The following DLGAP2 variants were observed in gnomAD, a reference collection of about 807,000 sequenced individuals.
DLGAP2 encodes disks large-associated protein 2.
Under a neutral mutation model 100.3 loss-of-function variants are expected in DLGAP2, and 26 were observed. The observed-to-expected ratio is 0.26, with a 90% CI of 0.19 to 0.36. The LOEUF (loss-of-function observed/expected upper bound fraction) is 0.36, where lower values mean the gene tolerates loss of function less well. Among genes scored for constraint, DLGAP2 ranks in the 10% least tolerant of loss-of-function variants. The pLI is 1.00. For synonymous variants in DLGAP2, 886 were observed against 630.1 expected, an observed-to-expected ratio of 1.41 and a Z score of -6.08; for missense variants, 1,858 against 1,453.2, an observed-to-expected ratio of 1.28 and a Z score of -4.53.
chr8:1,408,875 G>A (rs1481336415), intron 3 of DLGAP2, among the ~76,000 whole-genome samples: 4 of 152,150 alleles, frequency 2.6e-5, no homozygotes. Context: ...AAGAAAGCTG[G>A]GCAGTGGTGG....
intron 6 of DLGAP2, among the ~76,000 whole-genome samples, chr8:1,607,555 A>G (rs1359040892): frequency 1.3e-5 from 2 of 152,370 alleles, no homozygotes; most frequent in East Asian, 3.9e-4. Flanking sequence ...GTGTAAATAT[A>G]TCCTTTAGAA....
intron 2 of DLGAP2, among the ~76,000 whole-genome samples, chr8:967,979 C>A (rs577237524): frequency 4.4e-4 from 66 of 149,792 alleles, no homozygotes; most frequent in Non-Finnish European, 8.7e-4. Flanking sequence ...TGTATTTAGT[C>A]TGTAGCTTCT....
intron 3 of DLGAP2, among the ~76,000 whole-genome samples, chr8:1,423,656 A>C (rs1413181950): frequency 6.6e-6 from 1 of 152,190 alleles, no homozygotes; most frequent in South Asian, 2.1e-4. Context: ...TCTTGGAGGA[A>C]TTGCTCTGTG....
chr8:1,033,926 T>C (rs13259811), intron 2 of DLGAP2, among the ~76,000 whole-genome samples: 30,152 of 38,966 alleles, frequency 0.77, 12,207 homozygotes, highest in Non-Finnish European at 0.8. Context: ...CCCGACCCCA[T>C]GTGTCACCGC....
At chr8:1,526,744 G>A (rs1800807762) in intron 4 of DLGAP2, among the ~76,000 whole-genome samples, 1 of 152,178 alleles carries the variant, frequency 6.6e-6, no homozygotes, top group South Asian at 2.1e-4. Flanking sequence ...AGAGGAAGGA[G>A]GGAGCTGCAG....
At position 1,036,966 on chromosome 8, in the gene DLGAP2, C is replaced by T. The variant is rs374651289; in HGVS notation, c.73+129000C>T. Among the ~76,000 whole-genome samples the T allele has an allele frequency of 1.3e-3, 192 of 152,250 alleles. 6 individuals are homozygous for T. The South Asian group carries it at 0.039, about 31-fold the overall frequency. On this transcript the variant is annotated intron_variant, in intron 2 of 14. Transcript: ENST00000637795. ...AGTCCGTGCTCCTGGTTTCCTTCTC[C>T]TGATGAATAAGGGGCCGTGGAGCCT...
At chr8:1,343,805 C>T (rs1014130741) in intron 3 of DLGAP2, among the ~76,000 whole-genome samples, 9 of 152,194 alleles carry the variant, frequency 5.9e-5, no homozygotes, top group Admixed American at 2.0e-4. Context: ...TGCTGTGGCA[C>T]GAGATCCTCC....
chr8:1,086,454 T>C (rs888627951), intron 2 of DLGAP2, among the ~76,000 whole-genome samples: 1 of 152,266 alleles, frequency 6.6e-6, no homozygotes. Context: ...CTAATTTGTT[T>C]CTAATCAAAA....
chr8:1,306,288 A>G (rs1259824331), intron 3 of DLGAP2, among the ~76,000 whole-genome samples: 3 of 152,160 alleles, frequency 2.0e-5, no homozygotes, highest in Non-Finnish European at 4.4e-5. Flanking sequence ...GTGTTTCCAA[A>G]TACTATCAGA....
intron 2 of DLGAP2, among the ~76,000 whole-genome samples, chr8:1,068,214 C>G (rs904512718): frequency 2.6e-5 from 4 of 152,154 alleles, no homozygotes; most frequent in Non-Finnish European, 2.9e-5. Context: ...TGAGGGGCAT[C>G]TCAGTTGCTT....
intron 3 of DLGAP2, among the ~76,000 whole-genome samples, chr8:1,416,506 A>T (rs1156837764): frequency 6.6e-6 from 1 of 152,222 alleles, no homozygotes; most frequent in Non-Finnish European, 1.5e-5. Context: ...CTAAGTGAGG[A>T]CATGGAGTTC....
chr8:973,662 C>G lies in DLGAP2; in HGVS notation c.73+65696C>G, dbSNP rs530956140. ...CGAGATCACGCCACTGCACTCCAGC[C>G]TCTGCTTTTTCTCAGTTCCAGCTCC... On this transcript the variant is annotated intron_variant, in intron 2 of 14. Coordinates refer to ENST00000637795, the MANE Select transcript of DLGAP2 (RefSeq NM_001346810.2). Among the ~76,000 whole-genome samples the G allele has an allele frequency of 5.9e-5, 9 of 152,382 alleles. 1 individual carries two copies. The South Asian group carries it at 1.9e-3, about 32-fold the overall frequency.
At chr8:1,285,720 A>G (rs532981729) in intron 3 of DLGAP2, among the ~76,000 whole-genome samples, 28 of 152,328 alleles carry the variant, frequency 1.8e-4, no homozygotes, top group African/African-American at 3.4e-4. Flanking sequence ...TGTAATCCCA[A>G]TACTTTAGTA....
chr8:1,148,480 C>G (rs2129051269), intron 2 of DLGAP2, among the ~76,000 whole-genome samples: 1 of 152,010 alleles, frequency 6.6e-6, no homozygotes, highest in African/African-American at 2.4e-5. Flanking sequence ...GTTGTTTCTT[C>G]ATTTGGATTT....
intron 10 of DLGAP2, among the ~76,000 whole-genome samples, chr8:1,674,179 G>T (rs534799324): frequency 6.6e-6 from 1 of 152,074 alleles, no homozygotes; most frequent in South Asian, 2.1e-4. Context: ...TCAGCCTCCC[G>T]AGTAGCTTGT....
At chr8:880,444 G>A (rs984581232) in intron 1 of DLGAP2, among the ~76,000 whole-genome samples, 5 of 152,210 alleles carry the variant, frequency 3.3e-5, no homozygotes, top group African/African-American at 1.2e-4. Context: ...TCCAGTGTGT[G>A]TCCCCTCTCC....
In DLGAP2 at chr8:928,000, A is replaced by G. The variant is rs1218762110; in HGVS notation, c.73+20034A>G. Among the ~76,000 whole-genome samples, 5 of 152,340 alleles carry G rather than the reference A, an allele frequency of 3.3e-5. No individual in the cohort carries two copies. The East Asian group carries it at 7.7e-4, about 24-fold the overall frequency. ...AGAGCAGAGGGAAGCACGTGTGTGC[A>G]GTAGAAGGGATGCCGGCCAGCCATG... On this transcript the variant is annotated intron_variant, in intron 2 of 14. Transcript: ENST00000637795.
chr8:1,103,224 C>T (rs996949949), intron 2 of DLGAP2, among the ~76,000 whole-genome samples: 3 of 152,140 alleles, frequency 2.0e-5, no homozygotes, highest in South Asian at 2.1e-4. Flanking sequence ...CTGCCCTGGG[C>T]GTCGTCTGGG....
intron 3 of DLGAP2, among the ~76,000 whole-genome samples, chr8:1,494,115 C>A (rs1163625497): frequency 6.6e-6 from 1 of 152,238 alleles, no homozygotes; most frequent in Non-Finnish European, 1.5e-5. Context: ...GCAGGGCCCA[C>A]ACACAGTGGA....
Sources: allele counts gnomAD v4.1 joint callset (sites outside exome capture counted in the v4.1 genomes callset), GRCh38; gene constraint gnomAD v4.1.1; transcripts MANE v1.5; gene names NCBI Gene and HGNC (gene_info 2026-07-23, HGNC 2026-07-21).